CAMTA1: variants seen among roughly 807,000 people sequenced by gnomAD.
The protein encoded by CAMTA1 is calmodulin binding transcription activator 1, also known as calmodulin-binding transcription activator 1.
CAMTA1 carries 27 observed loss-of-function variants against 170.9 expected under a neutral mutation model. That is an observed-to-expected ratio of 0.16 (90% confidence interval 0.12 to 0.22). The LOEUF (loss-of-function observed/expected upper bound fraction) is 0.22. Ranked by LOEUF, CAMTA1 falls within the 10% of genes least tolerant of loss-of-function variation. The pLI is 1.00. For missense variants in CAMTA1, 1,619 were observed against 2,217.2 expected (o/e 0.73, Z 5.42); for synonymous variants, 833 against 891.5 (o/e 0.93, Z 1.17).
At chr1:7,032,837 A>C (rs1222059669) in intron 3 of CAMTA1, among the ~76,000 whole-genome samples, 2 of 151,836 alleles carry the variant, frequency 1.3e-5, no homozygotes, top group Non-Finnish European at 2.9e-5. Flanking sequence ...CTAGGTTGAT[A>C]GTTTTTGTTT....
intron 5 of CAMTA1, among the ~76,000 whole-genome samples, chr1:7,279,650 G>A (rs754877040): frequency 2.2e-4 from 34 of 152,246 alleles, no homozygotes; most frequent in Admixed American, 6.5e-4. Flanking sequence ...GACCCCATGC[G>A]GCACCGTGCC....
intron 5 of CAMTA1, among the ~76,000 whole-genome samples, chr1:7,260,048 G>A (rs1177502156): frequency 1.3e-5 from 2 of 152,280 alleles, no homozygotes; most frequent in Admixed American, 6.5e-5. Flanking sequence ...TCAGTTTTGC[G>A]AGCCAGACTG....
At chr1:7,179,028 G>A (rs80099124) in intron 4 of CAMTA1, among the ~76,000 whole-genome samples, 1 of 152,038 alleles carries the variant, frequency 6.6e-6, no homozygotes, top group African/African-American at 2.4e-5. Flanking sequence ...TGCCCTAAGT[G>A]AGGAACACCA....
At position 7,665,138 on chromosome 1, in the gene CAMTA1, T is replaced by G. The variant is rs777739047; in HGVS notation, c.2591T>G (p.Leu864Arg). The G allele has an allele frequency of 1.3e-6, 2 of 1,514,284 alleles. No homozygotes were observed. Among genetic ancestry groups the G allele is most frequent in the African/African-American group, 2.8e-5 (2 of 71,808 alleles). The allele number at this position is 1,514,284 out of a possible 1,614,324, so 93.8% of individuals were successfully genotyped here. A position where few individuals can be genotyped will look rare whatever the true frequency, so the allele number is the denominator to read the frequency against. ...TCGGCCCAGGGCACCCTAGGCATGC[T>G]GCAGCAGAGCGGACGGGTGTTCATG... is the stretch of plus-strand genomic sequence containing the variant. ...AASAQGTLGMLQQSGRVFMVT... is the reference protein window; with the variant it reads ...AASAQGTLGMRQQSGRVFMVT... Residue 864 changes from leucine to arginine, a missense_variant, in exon 9 of 23, where the codon CTG becomes CGG. Transcript: ENST00000303635. The surrounding 1 kb of genome is among the most constrained non-coding windows in gnomAD (Gnocchi z 4.3).
At position 7,744,462 on chromosome 1, in the gene CAMTA1, G is replaced by C. The variant is rs550640030; in HGVS notation, c.4183-373G>C. Among the ~76,000 whole-genome samples, 24 of 152,206 alleles carry C rather than the reference G, an allele frequency of 1.6e-4. No individual in the cohort carries two copies. The South Asian group carries it at 5.0e-3, about 32-fold the overall frequency. ...CGGGGTTCTCTAGGCCAGACAAAAG[G>C]GGGTGGTTAGATATTGGTTATGTAA... is the stretch of plus-strand genomic sequence containing the variant. On this transcript the variant is annotated intron_variant, in intron 16 of 22. Coordinates refer to ENST00000303635, the MANE Select transcript of CAMTA1 (RefSeq NM_015215.4).
At chr1:7,140,104 A>G (rs1645806969) in intron 4 of CAMTA1, among the ~76,000 whole-genome samples, 1 of 152,192 alleles carries the variant, frequency 6.6e-6, no homozygotes. Flanking sequence ...TACTTTGCTC[A>G]CAAATGCACA....
At chr1:7,591,843 C>T (rs1336811888) in intron 6 of CAMTA1, among the ~76,000 whole-genome samples, 3 of 152,238 alleles carry the variant, frequency 2.0e-5, no homozygotes, top group Non-Finnish European at 4.4e-5. Flanking sequence ...CTGCCCGCCA[C>T]GCCTCCCTAG....
rs1354777859 is a variant in CAMTA1 at position 7,224,517 on chromosome 1, G to C, written c.303-24974G>C. Among the ~76,000 whole-genome samples, 1 of 152,076 alleles carries C rather than the reference G, an allele frequency of 6.6e-6. No individual in the cohort carries two copies. Among genetic ancestry groups the C allele is most frequent in the East Asian group, 1.9e-4 (1 of 5,192 alleles). Reference sequence around the variant, plus strand: ...CTATTTTCCACTTGCTAAAATTAAGGTTATTATTATTATTTTTCAGGAATC... The same window carrying C: ...CTATTTTCCACTTGCTAAAATTAAGCTTATTATTATTATTTTTCAGGAATC... On this transcript the variant is annotated intron_variant, in intron 4 of 22. Coordinates refer to ENST00000303635, the MANE Select transcript of CAMTA1 (RefSeq NM_015215.4). The surrounding 1 kb of genome is among the most constrained non-coding windows in gnomAD (Gnocchi z 5.2).
intron 5 of CAMTA1, among the ~76,000 whole-genome samples, chr1:7,398,195 A>C (rs3986575): frequency 0.091 from 1,168 of 12,870 alleles, 6 homozygotes; most frequent in East Asian, 0.11. Flanking sequence ...CTCTCTCTCT[A>C]TATATATATA....
At chr1:7,374,115 T>C (rs1310120197) in intron 5 of CAMTA1, among the ~76,000 whole-genome samples, 1 of 152,168 alleles carries the variant, frequency 6.6e-6, no homozygotes, top group Non-Finnish European at 1.5e-5. Context: ...GTACACGTCA[T>C]TGACAAATTG....
At chr1:6,844,663 G>A (rs938885668) in intron 3 of CAMTA1, among the ~76,000 whole-genome samples, 57 of 144,254 alleles carry the variant, frequency 4.0e-4, no homozygotes, top group African/African-American at 1.2e-3. Flanking sequence ...TCCAGCTTGG[G>A]TGACAGAGTG....
chr1:7,545,666 A>T (rs1005139773), intron 6 of CAMTA1, among the ~76,000 whole-genome samples: 27 of 149,604 alleles, frequency 1.8e-4, no homozygotes, highest in Admixed American at 7.3e-4. Context: ...AGGATTTCCA[A>T]TTTTTTTTTT....
intron 6 of CAMTA1, among the ~76,000 whole-genome samples, chr1:7,468,965 C>T (rs2093275458): frequency 6.6e-6 from 1 of 152,164 alleles, no homozygotes; most frequent in Non-Finnish European, 1.5e-5. Context: ...TGGAAGGTGC[C>T]CACAGGGCCG....
chr1:6,931,404 G>T (rs186369545), intron 3 of CAMTA1, among the ~76,000 whole-genome samples: 19 of 152,264 alleles, frequency 1.2e-4, no homozygotes, highest in African/African-American at 4.3e-4. Context: ...GTCTCTACAG[G>T]TAGCGTAGTA....
rs1172889145 is a variant in CAMTA1, at chr1:7,082,466, TAGATA to T, written c.235-8837_235-8833del. On this transcript the variant is annotated intron_variant, in intron 3 of 22. Transcript: ENST00000303635. The stretch of plus-strand genomic sequence containing the variant: ...ATAGATAGATAGATAGATAGATAGA[TAGATA>T]GATAGATAGATAGATAGATAGCACA... Among the ~76,000 whole-genome samples the T allele has an allele frequency of 1.5e-3, 231 of 151,934 alleles. 1 individual carries two copies. Among genetic ancestry groups the T allele is most frequent in the African/African-American group, 5.4e-3 (224 of 41,460 alleles).
In CAMTA1 at chr1:7,286,511, G is replaced by C. The variant is rs1241687630; in HGVS notation, c.438+36885G>C. 3.3e-5 allele frequency among the ~76,000 whole-genome samples: 5 copies of C among 152,194 alleles called. No homozygotes were observed. The highest frequency in any genetic ancestry group is 5.9e-5 in the Non-Finnish European group (4 of 68,026). ...CGTTCAGGGTCGTCACCCTCACCCT[G>C]CTGTCATCCTCTGAGGCTGGGGAGA... On this transcript the variant is annotated intron_variant, in intron 5 of 22. Transcript: ENST00000303635. This position sits in a 1 kb window ranked among gnomAD's most constrained non-coding sequence, Gnocchi z 4.2.
Position 7,738,548 on chromosome 1 carries a change from T to A in CAMTA1, c.4182+66T>A, listed in dbSNP as rs1401752992. 22 of 1,525,576 alleles carry A rather than the reference T, an allele frequency of 1.4e-5. No individual in the cohort carries two copies. The Admixed American group carries it at 4.2e-4, about 29-fold the overall frequency. 94.5% of individuals were successfully genotyped at this position (1,525,576 alleles called of 1,614,324 possible). A position where few individuals can be genotyped will look rare whatever the true frequency, so the allele number is the denominator to read the frequency against. Reference sequence around the variant, plus strand: ...GTTCCAGTTGCTGTGATCTTTATGGTCCATTTCCGAAGGTTGTGTCATTTT... The same window carrying A: ...GTTCCAGTTGCTGTGATCTTTATGGACCATTTCCGAAGGTTGTGTCATTTT... On this transcript the variant is annotated intron_variant, in intron 16 of 22. Transcript: ENST00000303635. This position sits in a 1 kb window ranked among gnomAD's most constrained non-coding sequence, Gnocchi z 4.9.
intron 22 of CAMTA1, among the ~76,000 whole-genome samples, chr1:7,756,947 T>TTA (rs1340195704): frequency 1.3e-5 from 2 of 152,238 alleles, no homozygotes; most frequent in Non-Finnish European, 2.9e-5. Context: ...AACCTGTTTC[T>TTA]TATATATAAT....
chr1:7,190,261 G>A (rs1476005879), intron 4 of CAMTA1, among the ~76,000 whole-genome samples: 1 of 152,046 alleles, frequency 6.6e-6, no homozygotes, highest in Non-Finnish European at 1.5e-5. Context: ...AATACCACCT[G>A]TTCCCCCAAA....
Sources: allele counts gnomAD v4.1 joint callset (sites outside exome capture counted in the v4.1 genomes callset), GRCh38; gene constraint gnomAD v4.1.1; non-coding constraint Gnocchi (gnomAD v3.1); transcripts MANE v1.5; gene names NCBI Gene and HGNC (gene_info 2026-07-23, HGNC 2026-07-21).